Variants in MSRA observed in about 807,000 individuals in gnomAD.
The protein encoded by MSRA is methionine sulfoxide reductase A.
MSRA carries 54 observed loss-of-function variants against 31.3 expected under a neutral mutation model. That is an observed-to-expected ratio of 1.73 (90% CI 1.39 to 2.17). The LOEUF is 2.17. Among genes scored for constraint, MSRA ranks in the 30% most tolerant of loss-of-function variants. The pLI is 0.00. For missense variants in MSRA, 507 were observed against 300.9 expected (o/e 1.69, Z -5.07); for synonymous variants, 169 against 116.5 (o/e 1.45, Z -2.90).
chr8:10,100,159 G>C (rs1282232817), intron 1 of MSRA, among the ~76,000 whole-genome samples: 1 of 152,206 alleles, frequency 6.6e-6, no homozygotes, highest in East Asian at 1.9e-4. Flanking sequence ...GGCGTTGAGA[G>C]GGCATAAGGT....
intron 5 of MSRA, among the ~76,000 whole-genome samples, chr8:10,424,771 A>G (rs1306721627): frequency 6.6e-6 from 1 of 152,174 alleles, no homozygotes; most frequent in Non-Finnish European, 1.5e-5. Context: ...GGGCAGGCCC[A>G]GATCTCCCAG....
rs191618139 is a variant in MSRA at position 10,100,063 on chromosome 8, C to G, written c.142+45405C>G. 6.6e-5 allele frequency among the ~76,000 whole-genome samples: 10 copies of G among 152,238 alleles called. No homozygotes were observed. In the East Asian group the frequency reaches 1.7e-3, roughly 27 times the overall value. On this transcript the variant is annotated intron_variant, in intron 1 of 5. Transcript: ENST00000317173. ...GCGCTGCCCAGCAAGCAGCTTCAGT[C>G]CTGTTGTAGCTGCAGCACTAGGGGC...
chr8:10,423,933 T>TC (rs749189145), intron 5 of MSRA, among the ~76,000 whole-genome samples: 11,482 of 151,518 alleles, frequency 0.076, 673 homozygotes, highest in East Asian at 0.23. Flanking sequence ...ATTCATTCAT[T>TC]AATTGCACAC....
At chr8:10,161,568 AGCCTCCTTT>A (rs1389781885) in intron 1 of MSRA, among the ~76,000 whole-genome samples, 3 of 152,192 alleles carry the variant, frequency 2.0e-5, no homozygotes, top group East Asian at 3.8e-4. Flanking sequence ...CTCTTAGGAG[AGCCTCCTTT>A]GCCTCCTTTT....
At chr8:10,338,576 T>C (rs1803209477) in intron 5 of MSRA, among the ~76,000 whole-genome samples, 1 of 152,230 alleles carries the variant, frequency 6.6e-6, no homozygotes, top group Non-Finnish European at 1.5e-5. Context: ...TGTATGCATA[T>C]ATTAAAACAT....
rs1809115657 is a variant in MSRA, at chr8:10,207,658, A to G, written c.143-175A>G. On this transcript the variant is annotated intron_variant, in intron 1 of 5. Coordinates refer to ENST00000317173, the MANE Select transcript of MSRA (RefSeq NM_012331.5). The stretch of plus-strand genomic sequence containing the variant: ...GACATACCTGAACTAGATGATCTCT[A>G]GGCCCTTCTGCAATGGAGATGAAAA... Among the ~76,000 whole-genome samples the G allele has an allele frequency of 2.0e-5, 3 of 152,208 alleles. No homozygotes were observed. The South Asian group carries it at 6.2e-4, about 32-fold the overall frequency.
chr8:10,056,741 C>T (rs1802395547), intron 1 of MSRA, among the ~76,000 whole-genome samples: 1 of 152,120 alleles, frequency 6.6e-6, no homozygotes, highest in Non-Finnish European at 1.5e-5. Flanking sequence ...AAACTTGAAA[C>T]TTAAGGATTT....
intron 1 of MSRA, among the ~76,000 whole-genome samples, chr8:10,105,386 C>T (rs1357686929): frequency 6.6e-6 from 1 of 152,154 alleles, no homozygotes; most frequent in African/African-American, 2.4e-5. Flanking sequence ...ATTTTATCTC[C>T]TTAATTAACA....
intron 5 of MSRA, among the ~76,000 whole-genome samples, chr8:10,329,349 G>A (rs750403935): frequency 4.6e-5 from 7 of 152,174 alleles, no homozygotes; most frequent in Non-Finnish European, 8.8e-5. Context: ...TCTGGTGGGT[G>A]CCACCATGCA....
chr8:10,096,944 T>C (rs1393845824), intron 1 of MSRA, among the ~76,000 whole-genome samples: 2 of 152,186 alleles, frequency 1.3e-5, no homozygotes, highest in African/African-American at 4.8e-5. Flanking sequence ...TACAGGAAAA[T>C]TGTATCTATT....
intron 1 of MSRA, among the ~76,000 whole-genome samples, chr8:10,074,848 G>A (rs540056510): frequency 5.3e-5 from 8 of 152,090 alleles, no homozygotes; most frequent in African/African-American, 4.8e-5. Flanking sequence ...ACCCAGAGAC[G>A]GGGGTTCACC....
chr8:10,095,405 G>T lies in MSRA; in HGVS notation c.142+40747G>T, dbSNP rs544899721. 1.5e-5 allele frequency: 13 copies of T among 896,514 alleles called. No homozygotes were observed. The African/African-American group carries it at 2.3e-4, about 16-fold the overall frequency. The allele number at this position is 896,514 out of a possible 1,614,324, so 55.5% of individuals were successfully genotyped here. ...CAGAAGTCGATGCTGTTGGTGCCAG[G>T]ATTTGGGTACCGTACCACGGTTTCC... On this transcript the variant is annotated intron_variant, in intron 1 of 5. Transcript: ENST00000317173.
chr8:10,137,299 GT>G (rs1277853845), intron 1 of MSRA, among the ~76,000 whole-genome samples: 1 of 152,174 alleles, frequency 6.6e-6, no homozygotes, highest in Non-Finnish European at 1.5e-5. Flanking sequence ...TACAGGAATG[GT>G]TTTATGGTTT....
At chr8:10,298,956 T>C (rs540772812) in intron 3 of MSRA, among the ~76,000 whole-genome samples, 1 of 152,318 alleles carries the variant, frequency 6.6e-6, no homozygotes, top group African/African-American at 2.4e-5. Flanking sequence ...TTTGTGGCTC[T>C]TGCTACATAC....
At chr8:10,070,789 C>T (rs1169294303) in intron 1 of MSRA, among the ~76,000 whole-genome samples, 1 of 152,204 alleles carries the variant, frequency 6.6e-6, no homozygotes, top group Non-Finnish European at 1.5e-5. Flanking sequence ...TTTCAGTCAG[C>T]ACAATTCCCT....
intron 3 of MSRA, among the ~76,000 whole-genome samples, chr8:10,247,156 C>T (rs1468961926): frequency 6.6e-6 from 1 of 152,236 alleles, no homozygotes; most frequent in Admixed American, 6.5e-5. Context: ...TAAACTCATG[C>T]TATATGCCAG....
intron 1 of MSRA, among the ~76,000 whole-genome samples, chr8:10,092,485 C>T (rs745723573): frequency 1.3e-5 from 2 of 152,094 alleles, no homozygotes; most frequent in Admixed American, 6.5e-5. Flanking sequence ...GTGTGAAACC[C>T]CATCTTTACT....
At chr8:10,252,095 A>T (rs1243009552) in intron 3 of MSRA, among the ~76,000 whole-genome samples, 3 of 152,348 alleles carry the variant, frequency 2.0e-5, no homozygotes, top group South Asian at 2.1e-4. Context: ...CCTGACTAAT[A>T]ACCTTATTTT....
chr8:10,286,585 T>G (rs1416531951), intron 3 of MSRA, among the ~76,000 whole-genome samples: 2 of 152,250 alleles, frequency 1.3e-5, no homozygotes, highest in Non-Finnish European at 2.9e-5. Flanking sequence ...GAAAACAGAC[T>G]AATACAAACA....
Sources: gnomAD v4.1 joint callset for allele counts (sites outside exome capture counted in the v4.1 genomes callset) on GRCh38, gnomAD v4.1.1 for gene constraint, MANE v1.5 for transcripts, NCBI Gene and HGNC (gene_info 2026-07-23, HGNC 2026-07-21) for gene names.